Variants in IL1RL2 observed in about 807,000 individuals in gnomAD.
The protein encoded by IL1RL2 is interleukin-1 receptor-like 2.
In IL1RL2, 68 loss-of-function variants were observed where a neutral mutation model predicts 66.8. That is an observed-to-expected ratio of 1.02 (90% CI 0.84 to 1.25). The LOEUF is 1.25. Among genes scored for constraint, IL1RL2 ranks in the 50% most tolerant of loss-of-function variants. IL1RL2 has a pLI of 0.00. For synonymous variants in IL1RL2, 305 were observed against 264.6 expected, an observed-to-expected ratio of 1.15 and a Z score of -1.48; for missense variants, 729 against 709.3, an observed-to-expected ratio of 1.03 and a Z score of -0.32.
rs1434141950 is a variant in IL1RL2 at position 102,206,102 on chromosome 2, C to T, written c.649+4387C>T. On this transcript the variant is annotated intron_variant, in intron 5 of 11. Coordinates refer to ENST00000264257, the MANE Select transcript of IL1RL2 (RefSeq NM_003854.4). ...CTGCTTGATTTAAAAAATCTTATTT[C>T]AATCTCCTTGTTAAATTTATCTGAT... Among the ~76,000 whole-genome samples the T allele has an allele frequency of 1.2e-4, 19 of 152,044 alleles. 1 individual carries two copies. The highest frequency in any genetic ancestry group is 1.0e-3 in the Admixed American group (16 of 15,260).
chr2:102,229,225 A>G (rs1442148907), intron 9 of IL1RL2, among the ~76,000 whole-genome samples: 1 of 152,236 alleles, frequency 6.6e-6, no homozygotes, highest in Non-Finnish European at 1.5e-5. Context: ...ATCAAGAAGG[A>G]CATAACAATT....
At chr2:102,243,031 C>T (rs1258512184), downstream of IL1RL2, among the ~76,000 whole-genome samples, 1 of 152,206 alleles carries the variant, frequency 6.6e-6, no homozygotes, top group Non-Finnish European at 1.5e-5. Context: ...AAAGCAAAAC[C>T]TATTCTAAGG....
intron 3 of IL1RL2, among the ~76,000 whole-genome samples, chr2:102,190,965 T>A (rs1687181189): frequency 6.6e-6 from 1 of 152,236 alleles, no homozygotes; most frequent in Non-Finnish European, 1.5e-5. Context: ...AACTGTATAT[T>A]TTTACTTTTT....
intron 5 of IL1RL2, among the ~76,000 whole-genome samples, chr2:102,203,473 C>T (rs1179341475): frequency 1.3e-5 from 2 of 151,508 alleles, no homozygotes; most frequent in Admixed American, 6.6e-5. Flanking sequence ...GGTATTAGTT[C>T]TTCTTTAAAT....
rs551755412 is a variant in IL1RL2, at chr2:102,235,012, G to T, written c.1413G>T (p.Ala471=). Residue 471 remains alanine, a synonymous_variant, in exon 11 of 12, where the codon GCG becomes GCT. Coordinates refer to ENST00000264257, the MANE Select transcript of IL1RL2 (RefSeq NM_003854.4). ...LLKNLSEEQI[A]VYSALIQDGM... Reference sequence around the variant, plus strand: ...AGAACCTGTCAGAAGAACAAATCGCGGTCTACAGTGCCCTGATCCAGGACG... The same window carrying T: ...AGAACCTGTCAGAAGAACAAATCGCTGTCTACAGTGCCCTGATCCAGGACG... 1.9e-6 allele frequency: 3 copies of T among 1,614,016 alleles called. No homozygotes were observed. Among genetic ancestry groups the T allele is most frequent in the Non-Finnish European group, 2.5e-6 (3 of 1,180,048 alleles).
chr2:102,228,333 GAGAA>G lies in IL1RL2; in HGVS notation c.1135+2296_1135+2299del, dbSNP rs534755835. 1.7e-4 allele frequency among the ~76,000 whole-genome samples: 26 copies of G among 152,304 alleles called. No individual in the cohort carries two copies. In the East Asian group the frequency reaches 4.8e-3, roughly 28 times the overall value. On this transcript the variant is annotated intron_variant, in intron 9 of 11. Coordinates refer to ENST00000264257, the MANE Select transcript of IL1RL2 (RefSeq NM_003854.4). ...GAAATACCGATTAATGGATGAAAATGAGAAAGAGAGAAATAATGTCCTTCGTAGG... is the reference window on the plus strand; with the variant it reads ...GAAATACCGATTAATGGATGAAAATGAGAGAGAAATAATGTCCTTCGTAGG...
At chr2:102,240,412 C>A (rs915423174), downstream of IL1RL2, among the ~76,000 whole-genome samples, 1 of 128,494 alleles carries the variant, frequency 7.8e-6, no homozygotes, top group African/African-American at 3.2e-5. Flanking sequence ...GCTTTTGTCA[C>A]CGAGGCTGGG....
At chr2:102,237,443 C>T (rs1247701616) in intron 11 of IL1RL2, among the ~76,000 whole-genome samples, 1 of 152,224 alleles carries the variant, frequency 6.6e-6, no homozygotes, top group Non-Finnish European at 1.5e-5. Flanking sequence ...CCCGCAGCCA[C>T]CCTGCCCACT....
chr2:102,221,918 A>G (rs1299655736), intron 8 of IL1RL2, among the ~76,000 whole-genome samples: 1 of 152,238 alleles, frequency 6.6e-6, no homozygotes, highest in African/African-American at 2.4e-5. Context: ...GAATTTCTAC[A>G]TCACATAACA....
At chr2:102,195,559 CTCTT>C (rs1205396126) in intron 4 of IL1RL2, among the ~76,000 whole-genome samples, 769 of 43,364 alleles carry the variant, frequency 0.018, 23 homozygotes, top group Middle Eastern at 0.037. Flanking sequence ...TTCTTTCTTT[CTCTT>C]TCTTTCTTTC....
intron 9 of IL1RL2, among the ~76,000 whole-genome samples, chr2:102,232,445 T>G (rs1691219930): frequency 6.6e-6 from 1 of 152,224 alleles, no homozygotes; most frequent in African/African-American, 2.4e-5. Flanking sequence ...CATTTCAGCC[T>G]CCTGAGTAGC....
At chr2:102,188,492 G>A (rs1209863589) in intron 2 of IL1RL2, among the ~76,000 whole-genome samples, 2 of 148,064 alleles carry the variant, frequency 1.4e-5, no homozygotes, top group East Asian at 4.1e-4. Flanking sequence ...AGAGGCTGAG[G>A]CAGGAGAATG....
intron 9 of IL1RL2, 133 bp downstream of exon 9, chr2:102,226,174 G>A: frequency 1.6e-6 from 1 of 628,944 alleles, no homozygotes; most frequent in Admixed American, 3.3e-5. Context: ...CCTTGGAACT[G>A]CCTGTGCTTT....
chr2:102,225,268 TA>T (rs1690500442), intron 8 of IL1RL2, among the ~76,000 whole-genome samples: 1 of 152,328 alleles, frequency 6.6e-6, no homozygotes, highest in East Asian at 1.9e-4. Flanking sequence ...GGCTAGGGTG[TA>T]AACATTCTTT....
At chr2:102,222,683 G>A (rs1690245239) in intron 8 of IL1RL2, among the ~76,000 whole-genome samples, 1 of 152,202 alleles carries the variant, frequency 6.6e-6, no homozygotes, top group South Asian at 2.1e-4. Flanking sequence ...CGGTAGGTCA[G>A]TGAGGACAGG....
At chr2:102,232,607 C>A (rs34023438) in intron 9 of IL1RL2, among the ~76,000 whole-genome samples, 1 of 152,192 alleles carries the variant, frequency 6.6e-6, no homozygotes, top group South Asian at 2.1e-4. Flanking sequence ...TGCACCACTG[C>A]GCTGGACGAG....
At chr2:102,226,450 G>A (rs559864025) in intron 9 of IL1RL2, among the ~76,000 whole-genome samples, 3 of 152,354 alleles carry the variant, frequency 2.0e-5, no homozygotes, top group South Asian at 2.1e-4. Flanking sequence ...TGAGCTGCCT[G>A]CGGTTGGAGC....
chr2:102,220,622 A>G (rs1454382283), intron 8 of IL1RL2, among the ~76,000 whole-genome samples: 1 of 152,172 alleles, frequency 6.6e-6, no homozygotes, highest in Non-Finnish European at 1.5e-5. Context: ...ATACCTTGCA[A>G]AATGCTGTGT....
At chr2:102,202,982 T>C (rs532894345) in intron 5 of IL1RL2, among the ~76,000 whole-genome samples, 1 of 152,156 alleles carries the variant, frequency 6.6e-6, no homozygotes, top group Non-Finnish European at 1.5e-5. Flanking sequence ...AGGCTTTCGG[T>C]TTTTCCCCAT....
Sources: gnomAD v4.1 joint callset for allele counts (sites outside exome capture counted in the v4.1 genomes callset) on GRCh38, gnomAD v4.1.1 for gene constraint, MANE v1.5 for transcripts, NCBI Gene and HGNC (gene_info 2026-07-23, HGNC 2026-07-21) for gene names.